The following NXN variants were observed in gnomAD, a reference collection of about 807,000 sequenced individuals.
The protein encoded by NXN is nucleoredoxin, also known as nucleoredoxin 1.
In NXN, 16 loss-of-function variants were observed where a neutral mutation model predicts 48.6. The ratio of observed to expected loss-of-function variants is 0.33; its 90% CI spans 0.22 to 0.50. The LOEUF (loss-of-function observed/expected upper bound fraction) is 0.50. Among genes scored for constraint, NXN ranks in the 20% least tolerant of loss-of-function variants. The pLI is 0.98. For synonymous variants in NXN, 281 were observed against 269.6 expected (o/e 1.04, Z -0.41); for missense variants, 492 against 605.5 (o/e 0.81, Z 1.97).
intron 1 of NXN, among the ~76,000 whole-genome samples, chr17:915,039 A>G (rs938911778): frequency 6.6e-6 from 1 of 151,090 alleles, no homozygotes; most frequent in Non-Finnish European, 1.5e-5. Flanking sequence ...GGTTCAAGAG[A>G]TTCTCCTGCC....
chr17:969,992 C>T (rs1444387410), intron 1 of NXN, among the ~76,000 whole-genome samples: 2 of 152,162 alleles, frequency 1.3e-5, no homozygotes, highest in African/African-American at 4.8e-5. Flanking sequence ...GGGGGAGAGG[C>T]TGACGGATTG....
Position 843,274 on chromosome 17 carries a change from T to C in NXN, c.361-17196A>G, listed in dbSNP as rs80185235. 6.0e-3 allele frequency among the ~76,000 whole-genome samples: 910 copies of C among 152,372 alleles called. 3 individuals carry two copies. Among genetic ancestry groups the C allele is most frequent in the African/African-American group, 0.02 (850 of 41,588 alleles). ...CCGACACAGGGAACGCGATCTCATC[T>C]GTAACACCAATTAAGGAGGTTCATT... On this transcript the variant is annotated intron_variant, in intron 1 of 7. Coordinates refer to ENST00000336868, the MANE Select transcript of NXN (RefSeq NM_022463.5).
At chr17:930,354 A>G (rs1216683650) in intron 1 of NXN, 1 of 152,080 alleles carries the variant, frequency 6.6e-6, no homozygotes, top group East Asian at 1.9e-4. Context: ...GAATCACTTG[A>G]AGCCGGGTGG....
At chr17:817,625 C>A (rs1447422389) in intron 5 of NXN, among the ~76,000 whole-genome samples, 1 of 149,360 alleles carries the variant, frequency 6.7e-6, no homozygotes, top group East Asian at 2.0e-4. Context: ...ACCAAGATTG[C>A]GCCACTGCAC....
chr17:965,088 G>A (rs2069286225), intron 1 of NXN, among the ~76,000 whole-genome samples: 1 of 152,134 alleles, frequency 6.6e-6, no homozygotes, highest in East Asian at 1.9e-4. Flanking sequence ...TGACTATTGG[G>A]CGTATCTAGC....
In NXN at chr17:853,723, A is replaced by ATATAT. The variant is rs1491528474; in HGVS notation, c.361-27646_361-27645insATATA. Among the ~76,000 whole-genome samples, 477 of 105,958 alleles carry ATATAT rather than the reference A, an allele frequency of 4.5e-3. 7 individuals carry two copies. Among genetic ancestry groups the ATATAT allele is most frequent in the African/African-American group, 0.019 (450 of 23,224 alleles). 69.5% of individuals were successfully genotyped at this position (105,958 alleles called of 152,430 possible). A position where few individuals can be genotyped will look rare whatever the true frequency, so the allele number is the denominator to read the frequency against. ...TACACATATATATATATATATATAT[A>ATATAT]TTTTTTTTTTTTTTTCCAAGACGGA... On this transcript the variant is annotated intron_variant, in intron 1 of 7. Transcript: ENST00000336868.
At chr17:893,930 A>T (rs74632715) in intron 1 of NXN, among the ~76,000 whole-genome samples, 1 of 54,868 alleles carries the variant, frequency 1.8e-5, no homozygotes. Flanking sequence ...AGAGGAAGCA[A>T]CTCAACTCCC....
intron 1 of NXN, among the ~76,000 whole-genome samples, chr17:834,555 C>T (rs1913682136): frequency 6.6e-6 from 1 of 152,130 alleles, no homozygotes; most frequent in Non-Finnish European, 1.5e-5. Context: ...GCTGGAATTA[C>T]AGGCACCAAC....
chr17:877,045 A>G (rs1179700883), intron 1 of NXN, among the ~76,000 whole-genome samples: 1 of 151,386 alleles, frequency 6.6e-6, no homozygotes, highest in Non-Finnish European at 1.5e-5. Context: ...GCACCACTGC[A>G]CTCCAGCCTG....
chr17:948,559 C>A (rs561373334), intron 1 of NXN, among the ~76,000 whole-genome samples: 2 of 151,952 alleles, frequency 1.3e-5, no homozygotes, highest in Non-Finnish European at 2.9e-5. Context: ...GGGGACCTAG[C>A]GGTGAACAAG....
intron 1 of NXN, among the ~76,000 whole-genome samples, chr17:837,569 G>A (rs1363194483): frequency 6.6e-6 from 1 of 152,208 alleles, no homozygotes; most frequent in Non-Finnish European, 1.5e-5. Context: ...GCTACTTAAT[G>A]GCTTTTTCAT....
intron 1 of NXN, among the ~76,000 whole-genome samples, chr17:848,049 A>G (rs2067884211): frequency 6.6e-6 from 1 of 152,136 alleles, no homozygotes; most frequent in African/African-American, 2.4e-5. Flanking sequence ...AAACACTACG[A>G]ATTAAGCAGA....
At chr17:974,213 T>A (rs2069428006) in intron 1 of NXN, among the ~76,000 whole-genome samples, 1 of 151,244 alleles carries the variant, frequency 6.6e-6, no homozygotes, top group Admixed American at 6.6e-5. Flanking sequence ...TAGCCAGGCG[T>A]GGTGGTGGGC....
rs1567829182 is a variant in NXN, at chr17:843,055, A to AGAAAGAAAGAAG, written c.361-16978_361-16977insCTTCTTTCTTTC. Among the ~76,000 whole-genome samples, 10 of 116,436 alleles carry AGAAAGAAAGAAG rather than the reference A, an allele frequency of 8.6e-5. No homozygotes were observed. The South Asian group carries it at 1.1e-3, about 12-fold the overall frequency. 76.4% of individuals were successfully genotyped at this position (116,436 alleles called of 152,430 possible). On this transcript the variant is annotated intron_variant, in intron 1 of 7. Coordinates refer to ENST00000336868, the MANE Select transcript of NXN (RefSeq NM_022463.5). ...AAGAAAGAAAGAAAGAAAGAAAGAA[A>AGAAAGAAAGAAG]GAAGGAAGAAAGCAAGCAAGCAAGC...
intron 1 of NXN, among the ~76,000 whole-genome samples, chr17:839,016 C>T (rs551676782): frequency 6.6e-6 from 1 of 152,206 alleles, no homozygotes; most frequent in Non-Finnish European, 1.5e-5. Flanking sequence ...GGAACTCCAG[C>T]CACACACCTC....
chr17:947,549 A>G (rs1024538786), intron 1 of NXN, among the ~76,000 whole-genome samples: 1 of 151,828 alleles, frequency 6.6e-6, no homozygotes, highest in African/African-American at 2.4e-5. Flanking sequence ...CCTGGCCAAC[A>G]AGGTGAAACC....
At chr17:918,396 G>A (rs922612654) in intron 1 of NXN, among the ~76,000 whole-genome samples, 6 of 152,146 alleles carry the variant, frequency 3.9e-5, no homozygotes, top group Admixed American at 2.6e-4. Flanking sequence ...CATCTCCTTC[G>A]TGAACTGGGC....
intron 5 of NXN, among the ~76,000 whole-genome samples, chr17:809,926 CGTGTG>C (rs1911827105): frequency 8.4e-6 from 1 of 119,260 alleles, no homozygotes; most frequent in Non-Finnish European, 1.8e-5. Context: ...GTTAAGAGTC[CGTGTG>C]AGTGGCGTGT....
chr17:898,103 A>G (rs2068506733), intron 1 of NXN, among the ~76,000 whole-genome samples: 1 of 152,150 alleles, frequency 6.6e-6, no homozygotes, highest in Non-Finnish European at 1.5e-5. Context: ...TTTCTTCCCC[A>G]CAGCCATTCA....
Sources: gnomAD v4.1 joint callset for allele counts (sites outside exome capture counted in the v4.1 genomes callset) on GRCh38, gnomAD v4.1.1 for gene constraint, MANE v1.5 for transcripts, NCBI Gene and HGNC (gene_info 2026-07-23, HGNC 2026-07-21) for gene names.